Variants in USP28 observed in about 807,000 individuals in gnomAD.
USP28 encodes ubiquitin carboxyl-terminal hydrolase 28.
In USP28, 113 loss-of-function variants were observed where a neutral mutation model predicts 145.0. The observed-to-expected ratio is 0.78, with a 90% CI of 0.67 to 0.91. The LOEUF (loss-of-function observed/expected upper bound fraction) is 0.91. Ranked by LOEUF, USP28 falls within the 40% of genes least tolerant of loss-of-function variation. The pLI is 0.00. For missense variants in USP28, 1,201 were observed against 1,289.6 expected (o/e 0.93, Z 1.05); for synonymous variants, 447 against 450.9 (o/e 0.99, Z 0.11).
chr11:113,825,341 A>G (rs1350226678), intron 11 of USP28, among the ~76,000 whole-genome samples: 1 of 152,228 alleles, frequency 6.6e-6, no homozygotes, highest in Non-Finnish European at 1.5e-5. Flanking sequence ...AATTAGAAAC[A>G]CTTATAATTC....
intron 16 of USP28, among the ~76,000 whole-genome samples, chr11:113,811,687 CA>C (rs567925481): frequency 1.3e-4 from 17 of 135,940 alleles, no homozygotes; most frequent in Non-Finnish European, 1.7e-4. Flanking sequence ...GACTATGTCT[CA>C]AAAAAAAAAG....
At chr11:113,869,168 C>CA (rs1431672647) in intron 1 of USP28, among the ~76,000 whole-genome samples, 1 of 152,090 alleles carries the variant, frequency 6.6e-6, no homozygotes, top group Non-Finnish European at 1.5e-5. Flanking sequence ...TTCGGTGGCT[C>CA]ACGCCTATAA....
At chr11:113,854,817 C>T (rs1946869872) in intron 1 of USP28, among the ~76,000 whole-genome samples, 1 of 152,144 alleles carries the variant, frequency 6.6e-6, no homozygotes, top group African/African-American at 2.4e-5. Flanking sequence ...ATGGAAATAC[C>T]TTTGGTACTT....
chr11:113,802,956 T>C (rs1326871603), intron 23 of USP28, among the ~76,000 whole-genome samples: 1 of 152,004 alleles, frequency 6.6e-6, no homozygotes, highest in Non-Finnish European at 1.5e-5. Flanking sequence ...TTAACTTCTA[T>C]CAGTTATCAT....
At chr11:113,847,229 C>T (rs939739737) in intron 3 of USP28, among the ~76,000 whole-genome samples, 26 of 152,142 alleles carry the variant, frequency 1.7e-4, no homozygotes, top group African/African-American at 6.0e-4. Flanking sequence ...GGCAACCAGA[C>T]ATTATATGCT....
chr11:113,818,505 T>C (rs970906497), intron 12 of USP28, among the ~76,000 whole-genome samples: 2 of 152,196 alleles, frequency 1.3e-5, no homozygotes, highest in Non-Finnish European at 2.9e-5. Flanking sequence ...TTTAATACAA[T>C]ACTTACACTA....
exon 8 of USP28, chr11:113,831,985 C>G (rs1478624950): frequency 6.2e-7 from 1 of 1,613,724 alleles, no homozygotes; most frequent in South Asian, 1.1e-5. Flanking sequence ...TGAATTCACT[C>G]ACATCTTGCT....
At chr11:113,828,250 T>C (rs1279323727) in intron 10 of USP28, among the ~76,000 whole-genome samples, 2 of 152,178 alleles carry the variant, frequency 1.3e-5, no homozygotes, top group Non-Finnish European at 2.9e-5. Flanking sequence ...AGCATGACAA[T>C]TTTGTTGTTT....
chr11:113,832,973 G>C lies in USP28; in HGVS notation c.759+447C>G, dbSNP rs1944175248. 2.0e-5 allele frequency among the ~76,000 whole-genome samples: 3 copies of C among 152,268 alleles called. No homozygotes were observed. In the South Asian group the frequency reaches 6.2e-4, roughly 32 times the overall value. On this transcript the variant is annotated intron_variant, in intron 7 of 24. Coordinates refer to ENST00000003302, the Ensembl canonical transcript of USP28. ...GAGGTAGGGAAGGGAAAGTCTAGAA[G>C]AGAGAAGTTGCTGAGAAAAGCTCCG...
intron 1 of USP28, among the ~76,000 whole-genome samples, chr11:113,867,956 T>G (rs1282101621): frequency 6.6e-6 from 1 of 152,234 alleles, no homozygotes; most frequent in Non-Finnish European, 1.5e-5. Context: ...CCAGCCATCA[T>G]GTAGCATGCA....
chr11:113,828,999 T>A, intron 10 of USP28, 198 bp downstream of exon 10: 1 of 745,488 alleles, frequency 1.3e-6, no homozygotes, highest in East Asian at 2.7e-5. Flanking sequence ...TAACTCAAAT[T>A]CATAGTTTTA....
chr11:113,825,577 C>CTA (rs1226301773), intron 11 of USP28, among the ~76,000 whole-genome samples: 1 of 152,130 alleles, frequency 6.6e-6, no homozygotes, highest in African/African-American at 2.4e-5. Flanking sequence ...TCATAATAGC[C>CTA]TAAAACTAGA....
chr11:113,829,361 G>A lies in USP28; in HGVS notation c.911-16C>T, dbSNP rs774724784. The A allele has an allele frequency of 1.2e-6, 2 of 1,610,706 alleles. No homozygotes were observed. The highest frequency in any genetic ancestry group is 2.7e-5 in the African/African-American group (2 of 73,124). ...AAGGGTTTTCCTAGGCAAAGAGAGAGACTTTTTAAAAAAGACATCACTATG... is the reference window on the plus strand; with the variant it reads ...AAGGGTTTTCCTAGGCAAAGAGAGAAACTTTTTAAAAAAGACATCACTATG... On this transcript the variant is annotated splice_polypyrimidine_tract_variant and intron_variant, in intron 9 of 24. Transcript: ENST00000003302.
intron 1 of USP28, among the ~76,000 whole-genome samples, chr11:113,855,997 T>A (rs1229533732): frequency 6.6e-6 from 1 of 152,190 alleles, no homozygotes; most frequent in East Asian, 1.9e-4. Flanking sequence ...ACAAATGGAA[T>A]CCTACCCTGC....
chr11:113,874,723 C>T (rs1226341787), intron 1 of USP28: 43 of 1,185,760 alleles, frequency 3.6e-5, no homozygotes, highest in Non-Finnish European at 4.3e-5. Context: ...TTCATACAGA[C>T]ATTAGCTTTT....
chr11:113,799,483 T>C, intron 24 of USP28, 68 bp from the exon 26 acceptor site: 1 of 1,528,368 alleles, frequency 6.5e-7, no homozygotes, highest in Non-Finnish European at 8.8e-7. Flanking sequence ...GAACAAGCCT[T>C]CTATTAGCCC....
intron 3 of USP28, among the ~76,000 whole-genome samples, chr11:113,848,379 G>A (rs1472702005): frequency 6.6e-6 from 1 of 152,188 alleles, no homozygotes; most frequent in Non-Finnish European, 1.5e-5. Context: ...GGGCAATGTT[G>A]AGGCAGGTTA....
chr11:113,838,709 CTCAT>C (rs1436969949), intron 5 of USP28, among the ~76,000 whole-genome samples: 3 of 152,232 alleles, frequency 2.0e-5, no homozygotes, highest in Non-Finnish European at 4.4e-5. Context: ...GTCCCCCAGA[CTCAT>C]TCATTCATCT....
exon 17 of USP28, chr11:113,809,130 C>T: frequency 6.2e-7 from 1 of 1,614,212 alleles, no homozygotes; most frequent in South Asian, 1.1e-5. Context: ...TTTTGCAAGA[C>T]TGCTCTTCTT....
Sources: allele counts gnomAD v4.1 joint callset (sites outside exome capture counted in the v4.1 genomes callset), GRCh38; gene constraint gnomAD v4.1.1; transcripts MANE v1.5; gene names NCBI Gene and HGNC (gene_info 2026-07-23, HGNC 2026-07-21).